Variants in GRID2 observed in about 807,000 individuals in gnomAD.
GRID2 encodes the protein glutamate receptor ionotropic, delta-2.
A neutral mutation model predicts 114.8 loss-of-function variants in GRID2; 33 were observed. The observed-to-expected ratio is 0.29, with a 90% CI of 0.22 to 0.38. The LOEUF (loss-of-function observed/expected upper bound fraction) is 0.38. Ranked by LOEUF, GRID2 falls within the 10% of genes least tolerant of loss-of-function variation. The pLI is 1.00. For synonymous variants in GRID2, 505 were observed against 449.9 expected (o/e 1.12, Z -1.55); for missense variants, 1,184 against 1,257.7 (o/e 0.94, Z 0.89).
At chr4:92,937,387 A>G (rs1025396232) in intron 2 of GRID2, among the ~76,000 whole-genome samples, 11 of 146,492 alleles carry the variant, frequency 7.5e-5, no homozygotes, top group African/African-American at 2.2e-4. Flanking sequence ...TAGGAGTCCA[A>G]CTTCATTCTT....
chr4:92,777,063 C>T (rs1036506686), intron 2 of GRID2, among the ~76,000 whole-genome samples: 7 of 151,394 alleles, frequency 4.6e-5, no homozygotes, highest in East Asian at 1.9e-4. Flanking sequence ...GTAAGTCCTC[C>T]GCTCATGGAA....
chr4:93,492,707 G>A (rs1727138794), intron 12 of GRID2, among the ~76,000 whole-genome samples: 2 of 151,706 alleles, frequency 1.3e-5, no homozygotes, highest in South Asian at 4.2e-4. Flanking sequence ...CCAATCAATA[G>A]AAGTCATTTT....
At chr4:93,380,290 T>C (rs1560560760) in intron 8 of GRID2, among the ~76,000 whole-genome samples, 1 of 152,078 alleles carries the variant, frequency 6.6e-6, no homozygotes, top group Non-Finnish European at 1.5e-5. Flanking sequence ...GGTCAAAGAA[T>C]GCTTGGAACC....
intron 2 of GRID2, among the ~76,000 whole-genome samples, chr4:92,955,979 A>T (rs1393643813): frequency 2.0e-5 from 3 of 152,216 alleles, no homozygotes; most frequent in African/African-American, 7.2e-5. Context: ...TCGGCCTCAC[A>T]AAGTGCTGGG....
intron 14 of GRID2, among the ~76,000 whole-genome samples, chr4:93,759,362 A>G (rs1031517861): frequency 1.3e-5 from 2 of 152,324 alleles, no homozygotes; most frequent in East Asian, 3.9e-4. Flanking sequence ...ATTTTCTACC[A>G]AATAACATGT....
At chr4:93,669,371 A>G (rs1724208106) in intron 14 of GRID2, among the ~76,000 whole-genome samples, 1 of 152,084 alleles carries the variant, frequency 6.6e-6, no homozygotes, top group Non-Finnish European at 1.5e-5. Context: ...TCATATTTAA[A>G]ATACCATTCT....
chr4:93,029,407 A>T (rs990610556), intron 2 of GRID2, among the ~76,000 whole-genome samples: 2 of 152,062 alleles, frequency 1.3e-5, no homozygotes, highest in Non-Finnish European at 2.9e-5. Context: ...TGCATTTCCA[A>T]ATGTGAGCTT....
chr4:92,528,629 G>C (rs1302542297), intron 1 of GRID2, among the ~76,000 whole-genome samples: 3 of 151,914 alleles, frequency 2.0e-5, no homozygotes, highest in Non-Finnish European at 4.4e-5. Context: ...GTAATCTTGA[G>C]AAAGTAATGA....
At position 93,372,626 on chromosome 4, in the gene GRID2, G is replaced by C. The variant is rs188781359; in HGVS notation, c.1246-22981G>C. On this transcript the variant is annotated intron_variant, in intron 8 of 15. Coordinates refer to ENST00000282020, the MANE Select transcript of GRID2 (RefSeq NM_001510.4). ...ATGGTTTCTGTGTCTCTAGTGTCTT[G>C]TAGACATTAGAGGCACAGAAACCAT... is the stretch of plus-strand genomic sequence containing the variant. Among the ~76,000 whole-genome samples, 208 of 151,980 alleles carry C rather than the reference G, an allele frequency of 1.4e-3. 2 individuals are homozygous for C. Among genetic ancestry groups the C allele is most frequent in the Admixed American group, 0.011 (168 of 15,270 alleles).
intron 1 of GRID2, among the ~76,000 whole-genome samples, chr4:92,420,944 A>G (rs886554919): frequency 6.6e-6 from 1 of 152,090 alleles, no homozygotes; most frequent in African/African-American, 2.4e-5. Context: ...CTCAGCTTCC[A>G]AAAGTTCTGG....
chr4:93,789,463 C>T (rs137966950), intron 1 of GRID2, among the ~76,000 whole-genome samples: 2 of 152,202 alleles, frequency 1.3e-5, no homozygotes, highest in African/African-American at 4.8e-5. Context: ...CCTAATATGC[C>T]AAATGGTAAC....
At chr4:93,520,692 T>A (rs1445679302) in intron 13 of GRID2, among the ~76,000 whole-genome samples, 1 of 152,080 alleles carries the variant, frequency 6.6e-6, no homozygotes, top group Non-Finnish European at 1.5e-5. Flanking sequence ...TGGGCCCCAC[T>A]AAAGTCCAAA....
intron 2 of GRID2, among the ~76,000 whole-genome samples, chr4:92,745,096 G>A (rs1201305688): frequency 1.3e-5 from 2 of 152,156 alleles, no homozygotes; most frequent in East Asian, 1.9e-4. Context: ...CTCCACAGAG[G>A]AGAATAAAAC....
At chr4:92,448,314 A>G (rs1157783593) in intron 1 of GRID2, among the ~76,000 whole-genome samples, 1 of 152,046 alleles carries the variant, frequency 6.6e-6, no homozygotes, top group South Asian at 2.1e-4. Flanking sequence ...AGCCGGGACT[A>G]TAGGTACATG....
rs752635618 is a variant in GRID2 at position 93,216,751 on chromosome 4, T to A, written c.803T>A (p.Val268Glu). ...WIIINEEINDVDVQELVRRSI... is the reference protein window; with the variant it reads ...WIIINEEINDEDVQELVRRSI... ...CTTATCTTATAGGAAATAAACGATGTGGACGTACAGGAACTTGTAAGAAGG... is the reference window on the plus strand; with the variant it reads ...CTTATCTTATAGGAAATAAACGATGAGGACGTACAGGAACTTGTAAGAAGG... The change falls in exon 6 of 16, where the codon GTG (valine) becomes GAG (glutamate). Residue 268 changes from valine (V) to glutamate (E), a missense_variant. Val to Glu is a moderately radical substitution (Grantham distance 121). Around this residue, in one of 3 missense-constraint regions of GRID2, gnomAD observed 455 missense variants for 429.5 expected, o/e 1.06. Coordinates refer to ENST00000282020, the MANE Select transcript of GRID2 (RefSeq NM_001510.4). 48 of 1,608,342 alleles carry A rather than the reference T, an allele frequency of 3.0e-5. No homozygotes were observed. Among genetic ancestry groups the A allele is most frequent in the Middle Eastern group, 1.7e-4 (1 of 6,040 alleles).
At chr4:93,499,253 T>C (rs1727865278) in intron 12 of GRID2, among the ~76,000 whole-genome samples, 1 of 151,920 alleles carries the variant, frequency 6.6e-6, no homozygotes, top group Admixed American at 6.6e-5. Flanking sequence ...CATCTTAGTT[T>C]CTTTTCCCTT....
intron 8 of GRID2, chr4:93,319,900 TA>T (rs1202199946): frequency 6.6e-6 from 1 of 152,114 alleles, no homozygotes; most frequent in African/African-American, 2.4e-5. Context: ...CCCAATACCT[TA>T]ATTTCAGTTT....
At chr4:92,414,348 C>CT (rs1257359735) in intron 1 of GRID2, among the ~76,000 whole-genome samples, 1 of 152,196 alleles carries the variant, frequency 6.6e-6, no homozygotes, top group African/African-American at 2.4e-5. Context: ...ATCTGCAAAA[C>CT]TTTCGTGATT....
intron 8 of GRID2, among the ~76,000 whole-genome samples, chr4:93,307,215 T>TA (rs1164505879): frequency 0.12 from 11,206 of 95,018 alleles, 594 homozygotes; most frequent in African/African-American, 0.2. Context: ...AAGAAAAAAA[T>TA]AAAAAAAAAA....
Sources: gnomAD v4.1 joint callset for allele counts (sites outside exome capture counted in the v4.1 genomes callset) on GRCh38, gnomAD v4.1.1 for gene constraint, gnomAD v4.1.1 regional missense constraint, MANE v1.5 for transcripts, NCBI Gene and HGNC (gene_info 2026-07-23, HGNC 2026-07-21) for gene names.